The following TTN variants were observed in gnomAD, a reference collection of about 807,000 sequenced individuals.
TTN encodes connectin.
Under a neutral mutation model 3,223.0 loss-of-function variants are expected in TTN, and 1,525 were observed. That is an observed-to-expected ratio of 0.47 (90% confidence interval 0.45 to 0.49). TTN has a LOEUF of 0.49. Ranked by LOEUF, TTN falls within the 20% of genes least tolerant of loss-of-function variation. The pLI is 0.00. For synonymous variants in TTN, 14,094 were observed against 15,161.0 expected, an observed-to-expected ratio of 0.93 and a Z score of 5.17; for missense variants, 40,786 against 43,424.0, an observed-to-expected ratio of 0.94 and a Z score of 5.40.
rs1347598272 is a variant in TTN at position 178,731,144 on chromosome 2, T to A, written c.17521A>T (p.Thr5841Ser). Reference protein sequence around the residue: ...SIDVTQGDPATLQVKFSGTKE... With the variant: ...SIDVTQGDPASLQVKFSGTKE... ...GTCCCTGAAAATTTAACCTGCAAAG[T>A]GGCTGGGTCTCCTTGGGTGACATCT... is the stretch of plus-strand genomic sequence containing the variant. The change falls in exon 60 of 363, where the codon ACT becomes TCT. Residue 5841 changes from threonine (T) to serine (S), a missense_variant. Physicochemically the swap from Thr to Ser is moderately conservative, Grantham distance 58 (BLOSUM62 1). Coordinates refer to ENST00000589042, the MANE Select transcript of TTN (RefSeq NM_001267550.2). 1 of 1,613,614 alleles carries A rather than the reference T, an allele frequency of 6.2e-7. No homozygotes were observed. The highest frequency in any genetic ancestry group is 2.2e-5 in the East Asian group (1 of 44,862).
chr2:178,591,014 CT>C lies in TTN; in HGVS notation c.60710del (p.Gln20237ArgfsTer16). The C allele has an allele frequency of 1.2e-6, 2 of 1,613,500 alleles. No individual in the cohort carries two copies. The highest frequency in any genetic ancestry group is 1.7e-6 in the Non-Finnish European group (2 of 1,179,550). ...CTCGGAAAACATATTCACAGCCCTT[CT>C]GCAGATGTGGGATTTTCAGCTTTGT... is the stretch of plus-strand genomic sequence containing the variant. ...SKTKLKIPHL[Q>X]KGCEYVFRVR... On this transcript the variant is annotated frameshift_variant, in exon 304 of 363. Coordinates refer to ENST00000589042, the MANE Select transcript of TTN (RefSeq NM_001267550.2). LOFTEE classifies it high-confidence loss of function.
rs924291910 is a variant in TTN, at chr2:178,707,957, C to T, written c.28754-144G>A. 18 of 850,940 alleles carry T rather than the reference C, an allele frequency of 2.1e-5. No homozygotes were observed. In the East Asian group the frequency reaches 4.0e-4, roughly 19 times the overall value. The allele number at this position is 850,940 out of a possible 1,614,324, so 52.7% of individuals were successfully genotyped here. On this transcript the variant is annotated intron_variant, in intron 99 of 362. Transcript: ENST00000589042. Reference sequence around the variant, plus strand: ...GACAGAATTATGTGCCTGGTTTATTCCTCTCTAAAGACAATAGTTTAAATT... The same window carrying T: ...GACAGAATTATGTGCCTGGTTTATTTCTCTCTAAAGACAATAGTTTAAATT...
rs2067935848 is a variant in TTN, at chr2:178,675,716, C to T, written c.34492G>A (p.Val11498Ile). The T allele has an allele frequency of 2.8e-6, 4 of 1,429,190 alleles. No individual in the cohort carries two copies. The highest frequency in any genetic ancestry group is 3.6e-6 in the Non-Finnish European group (4 of 1,100,734). 88.5% of individuals were successfully genotyped at this position (1,429,190 alleles called of 1,614,324 possible). The change falls in exon 149 of 363, where the codon GTC (valine) becomes ATC (isoleucine). Residue 11498 changes from valine to isoleucine, a missense_variant. By Grantham distance (29) the Val-to-Ile change is conservative. Transcript: ENST00000589042. ...GCTTTCTTAAGACCAGGAGGAGGGA[C>T]CTTCTTTTCTGGCTCAGGTTTCTTA... ...VPKKPEPEKK[V>I]PPPGLKKAVA...
chr2:178,794,515 T>C lies in TTN; in HGVS notation c.1282A>G (p.Thr428Ala). 6.2e-7 allele frequency: 1 copy of C among 1,614,196 alleles called. No individual in the cohort carries two copies. Among genetic ancestry groups the C allele is most frequent in the Non-Finnish European group, 8.5e-7 (1 of 1,180,004 alleles). The change falls in exon 8 of 363, where the codon ACT (threonine) becomes GCT (alanine). Residue 428 changes from threonine to alanine, a missense_variant. Physicochemically the swap from Thr to Ala is moderately conservative, Grantham distance 58 (BLOSUM62 0). Transcript: ENST00000589042. The part of the protein sequence containing the change: ...QDADKSAAVA[T>A]VVAAVDMARV... ...GCCATATCAACGGCAGCAACAACAG[T>C]CGCAACAGCTGCACTTTTGTCAGCA...
In TTN at chr2:178,652,650, T is replaced by C; in HGVS notation, c.39043+3A>G. On this transcript the variant is annotated splice_donor_region_variant and intron_variant, in intron 201 of 362. Coordinates refer to ENST00000589042, the MANE Select transcript of TTN (RefSeq NM_001267550.2). ...TCTGACGCTTAAACTCAATGACAAA[T>C]ACCTTTAACAGGTGGGACTTCAGGC... The C allele has an allele frequency of 6.2e-7, 1 of 1,613,342 alleles. No individual in the cohort carries two copies. Among genetic ancestry groups the C allele is most frequent in the East Asian group, 2.2e-5 (1 of 44,844 alleles).
chr2:178,677,450 C>A, intron 146 of TTN, 163 bp from the exon 147 acceptor site: 2 of 726,148 alleles, frequency 2.8e-6, no homozygotes, highest in South Asian at 6.8e-5. Context: ...TAGACAGATA[C>A]ACAAGGCAGA....
At chr2:178,598,326 A>G (rs1559655159) in intron 292 of TTN, among the ~76,000 whole-genome samples, 180 bp downstream of exon 292, 1 of 152,110 alleles carries the variant, frequency 6.6e-6, no homozygotes, top group Non-Finnish European at 1.5e-5. Flanking sequence ...TAGTAATAAC[A>G]TGACTTAACT....
rs1343185312 is a variant in TTN at position 178,771,408 on chromosome 2, T to C, written c.7919A>G (p.Glu2640Gly). 3 of 1,614,004 alleles carry C rather than the reference T, an allele frequency of 1.9e-6. No individual in the cohort carries two copies. Among genetic ancestry groups the C allele is most frequent in the Non-Finnish European group, 2.5e-6 (3 of 1,179,908 alleles). ...GGAATCTGGGTTGGCAACTTCACATTCAAACACAGCTTCCTGGGATTCAGC... is the reference window on the plus strand; with the variant it reads ...GGAATCTGGGTTGGCAACTTCACATCCAAACACAGCTTCCTGGGATTCAGC... ...TVAESQEAVFECEVANPDSKG... is the reference protein window; with the variant it reads ...TVAESQEAVFGCEVANPDSKG... The change falls in exon 34 of 363, where the codon GAA becomes GGA. Residue 2640 changes from glutamate to glycine, a missense_variant. Coordinates refer to ENST00000589042, the MANE Select transcript of TTN (RefSeq NM_001267550.2).
Position 178,663,841 on chromosome 2 carries a change from C to G in TTN, c.36426G>C (p.Glu12142Asp), listed in dbSNP as rs1446999417. ...EEKVPLAPPK[E>D]PEVPPVKVPE... Reference sequence around the variant, plus strand: ...TACCTTTAACAGGTGGGACTTCAGGCTCTTTAGGAGGAGCCAAGGGCACTT... The same window carrying G: ...TACCTTTAACAGGTGGGACTTCAGGGTCTTTAGGAGGAGCCAAGGGCACTT... Residue 12142 changes from glutamate to aspartate, a missense_variant, in exon 170 of 363, where the codon GAG becomes GAC. Glu to Asp is a conservative substitution (Grantham distance 45, BLOSUM62 2). Transcript: ENST00000589042. The G allele has an allele frequency of 6.2e-7, 1 of 1,613,306 alleles. No individual in the cohort carries two copies. Among genetic ancestry groups the G allele is most frequent in the African/African-American group, 1.3e-5 (1 of 74,902 alleles).
In TTN at chr2:178,677,335, C is replaced by CATAT. The variant is rs61060584; in HGVS notation, c.34292-52_34292-49dup. 0.079 allele frequency: 19,705 copies of CATAT among 249,814 alleles called. 683 individuals are homozygous for CATAT. Among genetic ancestry groups the CATAT allele is most frequent in the South Asian group, 0.094 (389 of 4,132 alleles). 15.5% of individuals were successfully genotyped at this position (249,814 alleles called of 1,614,324 possible). ...GCATTAAAAACCACATATACATGGT[C>CATAT]ATATATATATATATATATATATATA... On this transcript the variant is annotated intron_variant, in intron 146 of 362. Coordinates refer to ENST00000589042, the MANE Select transcript of TTN (RefSeq NM_001267550.2).
Position 178,533,893 on chromosome 2 carries a change from A to G in TTN, c.102722T>C (p.Met34241Thr), listed in dbSNP as rs756365411. Residue 34241 changes from methionine (M) to threonine (T), a missense_variant, in exon 358 of 363, where the codon ATG becomes ACG. Physicochemically the swap from Met to Thr is moderately conservative, Grantham distance 81. Transcript: ENST00000589042. ...EVYDYYCRRT[M>T]KKIKRRTDTM... ...GTCTGTTCTGCGCTTAATTTTCTTC[A>G]TGGTTCTACGGCAGTAATAGTCATA... is the stretch of plus-strand genomic sequence containing the variant. The G allele has an allele frequency of 6.2e-7, 1 of 1,613,672 alleles. No homozygotes were observed.
At chr2:178,649,975 A>G (rs912629463) in intron 210 of TTN, 81 bp from the exon 211 acceptor site, 2 of 1,501,542 alleles carry the variant, frequency 1.3e-6, no homozygotes, top group African/African-American at 1.4e-5. Context: ...AAAACCACAC[A>G]TATTTCTTGG....
At chr2:178,638,097 C>G (rs1330144161) in intron 223 of TTN, among the ~76,000 whole-genome samples, 1 of 151,980 alleles carries the variant, frequency 6.6e-6, no homozygotes, top group African/African-American at 2.4e-5. Flanking sequence ...CTTAATTAGA[C>G]AAGAGCAGTT....
rs556967635 is a variant in TTN, at chr2:178,609,713, G to A, written c.51710C>T (p.Thr17237Ile). 63 of 1,604,032 alleles carry A rather than the reference G, an allele frequency of 3.9e-5. 1 individual carries two copies. The South Asian group carries it at 6.7e-4, about 17-fold the overall frequency. Residue 17237 changes from threonine (T) to isoleucine (I), a missense_variant, in exon 272 of 363, where the codon ACT (threonine) becomes ATT (isoleucine). Physicochemically the swap from Thr to Ile is moderately conservative, Grantham distance 89. Transcript: ENST00000589042. ...GGGATCTACAGCTTTGGTTGGAGGA[G>A]TAGCCCGAGAAGGTTCACTAATACC... ...AAGISEPSRA[T>I]PPTKAVDPID... is the part of the protein sequence containing the mutation.
chr2:178,715,416 A>G, intron 89 of TTN, 77 bp downstream of exon 89: 1 of 1,532,800 alleles, frequency 6.5e-7, no homozygotes. Context: ...ACATCGTTGA[A>G]GAGTCAAACA....
chr2:178,633,269 G>A lies in TTN; in HGVS notation c.43004C>T (p.Thr14335Ile). The A allele has an allele frequency of 1.2e-6, 2 of 1,613,316 alleles. No homozygotes were observed. The highest frequency in any genetic ancestry group is 2.2e-5 in the East Asian group (1 of 44,780). Residue 14335 changes from threonine (T) to isoleucine (I), a missense_variant, in exon 233 of 363, where the codon ACA (threonine) becomes ATA (isoleucine). Transcript: ENST00000589042. ...LYGVEVFVGE[T>I]AHFEIELSEP... Reference sequence around the variant, plus strand: ...AGAAAGTTCAATTTCAAAGTGGGCTGTTTCACCAACAAACACCTCTACTCC... The same window carrying A: ...AGAAAGTTCAATTTCAAAGTGGGCTATTTCACCAACAAACACCTCTACTCC...
Position 178,536,324 on chromosome 2 carries a change from C to T in TTN, c.100423G>A (p.Glu33475Lys), listed in dbSNP as rs377287413. 9.9e-6 allele frequency: 16 copies of T among 1,613,656 alleles called. No individual in the cohort carries two copies. The highest frequency in any genetic ancestry group is 9.3e-5 in the African/African-American group (7 of 75,032). The change falls in exon 357 of 363, where the codon GAA (glutamate) becomes AAA (lysine). Residue 33475 changes from glutamate to lysine, a missense_variant. By Grantham distance (56) the Glu-to-Lys change is moderately conservative (BLOSUM62 1). Coordinates refer to ENST00000589042, the MANE Select transcript of TTN (RefSeq NM_001267550.2). ...TCTGATATTTCACTCCATTCACTTT[C>T]CCCACCTAGATTTTCACATTTCACA... is the stretch of plus-strand genomic sequence containing the variant. ...FRVKCENLGGESEWSEISEPI... is the reference protein window; with the variant it reads ...FRVKCENLGGKSEWSEISEPI...
rs1430247866 is a variant in TTN at position 178,711,148 on chromosome 2, G to T, written c.28088C>A (p.Thr9363Asn). 1 of 1,613,752 alleles carries T rather than the reference G, an allele frequency of 6.2e-7. No individual in the cohort carries two copies. Among genetic ancestry groups the T allele is most frequent in the East Asian group, 2.2e-5 (1 of 44,900 alleles). The change falls in exon 97 of 363, where the codon ACT (threonine) becomes AAT (asparagine). Residue 9363 changes from threonine (T) to asparagine (N), a missense_variant. Thr to Asn is a moderately conservative substitution (Grantham distance 65). Coordinates refer to ENST00000589042, the MANE Select transcript of TTN (RefSeq NM_001267550.2). ...DNTATLNIFK[T>N]DRSLAGQYSC... Reference sequence around the variant, plus strand: ...ATACTGGCCTGCAAGGCTCCGGTCAGTTTTAAAAATATTGAGTGTGGCTGT... The same window carrying T: ...ATACTGGCCTGCAAGGCTCCGGTCATTTTTAAAAATATTGAGTGTGGCTGT...
At position 178,776,421 on chromosome 2, in the gene TTN, T is replaced by C. The variant is rs1379363334; in HGVS notation, c.5443A>G (p.Arg1815Gly). 6.2e-7 allele frequency: 1 copy of C among 1,611,002 alleles called. No individual in the cohort carries two copies. The highest frequency in any genetic ancestry group is 1.7e-4 in the Middle Eastern group (1 of 6,060). The change falls in exon 28 of 363, where the codon AGA (arginine) becomes GGA (glycine). Residue 1815 changes from arginine to glycine, a missense_variant. Transcript: ENST00000589042. The part of the protein sequence containing the change: ...QLPEGRKGLQ[R>G]IEELERMAHE... Reference sequence around the variant, plus strand: ...GCCATTCTCTCTAATTCTTCAATTCTCTGTAAGCCTTTCCTCCCCTCAGGC... The same window carrying C: ...GCCATTCTCTCTAATTCTTCAATTCCCTGTAAGCCTTTCCTCCCCTCAGGC...
Sources: allele counts gnomAD v4.1 joint callset (sites outside exome capture counted in the v4.1 genomes callset), GRCh38; gene constraint gnomAD v4.1.1; transcripts MANE v1.5; gene names NCBI Gene and HGNC (gene_info 2026-07-23, HGNC 2026-07-21).